Variants in ZNF584 observed in about 807,000 individuals in gnomAD.
ZNF584 encodes the protein zinc finger protein 584.
Under a neutral mutation model 14.7 loss-of-function variants are expected in ZNF584, and 12 were observed. That is an observed-to-expected ratio of 0.82 (90% CI 0.52 to 1.32). The LOEUF is 1.32. Among genes scored for constraint, ZNF584 ranks in the 40% most tolerant of loss-of-function variants. ZNF584 has a pLI of 0.00. For synonymous variants in ZNF584, 204 were observed against 190.9 expected (o/e 1.07, Z -0.57); for missense variants, 478 against 518.8 (o/e 0.92, Z 0.76).
At chr19:58,405,492 G>T, upstream of ZNF584, 1 of 163,758 alleles carries the variant, frequency 6.1e-6, no homozygotes, top group Non-Finnish European at 1.3e-5. Context: ...GGGCGGAGAG[G>T]CTCCTCACTT....
At chr19:58,410,767 A>T (rs1354555193) in intron 2 of ZNF584, among the ~76,000 whole-genome samples, 1 of 33,148 alleles carries the variant, frequency 3.0e-5, no homozygotes, top group Admixed American at 3.1e-4. Flanking sequence ...ATATATGTAT[A>T]TATATATATA....
Position 58,409,139 on chromosome 19 carries a change from C to A in ZNF584, c.-9C>A. On this transcript the variant is annotated 5_prime_UTR_variant, in exon 1 of 4. Coordinates refer to ENST00000306910, the MANE Select transcript of ZNF584 (RefSeq NM_173548.3). ...GGGTCCAGTCCACGGGTTCTGCCCG[C>A]ACGGTCCAATGGCCGGGGAGGCGGA... is the stretch of plus-strand genomic sequence containing the variant. 6.9e-7 allele frequency: 1 copy of A among 1,452,476 alleles called. No homozygotes were observed. The highest frequency in any genetic ancestry group is 1.4e-5 in the South Asian group (1 of 71,740). The allele number at this position is 1,452,476 out of a possible 1,614,324, so 90.0% of individuals were successfully genotyped here. A position where few individuals can be genotyped will look rare whatever the true frequency, so the allele number is the denominator to read the frequency against.
At chr19:58,406,523 G>T (rs1045044836), upstream of ZNF584, 1 of 152,454 alleles carries the variant, frequency 6.6e-6, no homozygotes. Context: ...TGTTTAGTAG[G>T]GGATCAGGAA....
At position 58,409,928 on chromosome 19, in the gene ZNF584, C is replaced by G. The variant is rs570329229; in HGVS notation, c.19-13C>G. The G allele has an allele frequency of 1.2e-6, 2 of 1,613,910 alleles. No homozygotes were observed. Among genetic ancestry groups the G allele is most frequent in the African/African-American group, 1.3e-5 (1 of 74,876 alleles). ...ATTTTGGTTGTTTTTTTCTGCCCAT[C>G]ATTGACCCCAAGGCTCAGTTGGACC... On this transcript the variant is annotated splice_polypyrimidine_tract_variant and intron_variant, in intron 1 of 3. Transcript: ENST00000306910.
intron 1 of ZNF584, chr19:58,401,752 C>T (rs1202180692): frequency 1.3e-5 from 2 of 149,024 alleles, no homozygotes; most frequent in Admixed American, 6.7e-5. Context: ...GGCACAGACT[C>T]GTCCCCGGCC....
intron 2 of ZNF584, among the ~76,000 whole-genome samples, chr19:58,410,557 A>ATATATGTGTG (rs1340373210): frequency 3.8e-5 from 1 of 26,016 alleles, no homozygotes; most frequent in Admixed American, 3.8e-4. Flanking sequence ...ATATATATAT[A>ATATATGTGTG]TGTGTATATA....
chr19:58,407,933 C>A (rs1376296860), upstream of ZNF584, among the ~76,000 whole-genome samples: 1 of 152,208 alleles, frequency 6.6e-6, no homozygotes, highest in Non-Finnish European at 1.5e-5. Flanking sequence ...ATGGGGTAGA[C>A]TACAAGCCTA....
Position 58,415,570 on chromosome 19 carries a change from T to C in ZNF584, c.216T>C (p.Asp72=). ...RSPVFTQLED[D]EQSWVPSWVD... is the part of the protein sequence containing the mutation. The stretch of plus-strand genomic sequence containing the variant: ...CTGTGTTTACCCAGCTGGAGGATGA[T>C]GAACAGTCGTGGGTGCCCAGCTGGG... The change falls in exon 3 of 4, where the codon GAT becomes GAC. Residue 72 remains aspartate (D), a synonymous_variant. Transcript: ENST00000306910. 6.2e-7 allele frequency: 1 copy of C among 1,614,050 alleles called. No individual in the cohort carries two copies. The highest frequency in any genetic ancestry group is 1.1e-5 in the South Asian group (1 of 91,074).
Position 58,408,812 on chromosome 19 carries a change from C to T in ZNF584, c.-336C>T, listed in dbSNP as rs1029285739. The T allele has an allele frequency of 1.8e-5, 5 of 272,382 alleles. No individual in the cohort carries two copies. Among genetic ancestry groups the T allele is most frequent in the Non-Finnish European group, 3.5e-5 (5 of 143,326 alleles). The allele number at this position is 272,382 out of a possible 1,614,324, so 16.9% of individuals were successfully genotyped here. Reference sequence around the variant, plus strand: ...GGGAAGGCTGTCCCGGCGCCTCAGGCAGCTCTGCGTGGGCCGGGGTGACTT... The same window carrying T: ...GGGAAGGCTGTCCCGGCGCCTCAGGTAGCTCTGCGTGGGCCGGGGTGACTT... On this transcript the variant is annotated 5_prime_UTR_variant, in exon 1 of 4. Transcript: ENST00000306910.
chr19:58,414,762 G>C (rs570480143), intron 2 of ZNF584, among the ~76,000 whole-genome samples: 3 of 152,202 alleles, frequency 2.0e-5, no homozygotes, highest in Admixed American at 6.5e-5. Context: ...GGACTAGTTG[G>C]TTTTCATTGT....
rs1555785530 is a variant in ZNF584, at chr19:58,410,541, A to ATATATG, written c.169+455_169+456insGTATAT. On this transcript the variant is annotated intron_variant, in intron 2 of 3. Coordinates refer to ENST00000306910, the MANE Select transcript of ZNF584 (RefSeq NM_173548.3). ...GAAATATATATATATATATATATAT[A>ATATATG]TATATATATATATATATGTGTATAT... Among the ~76,000 whole-genome samples the ATATATG allele has an allele frequency of 1.8e-4, 8 of 43,770 alleles. 2 individuals carry two copies. Among genetic ancestry groups the ATATATG allele is most frequent in the East Asian group, 1.6e-3 (3 of 1,850 alleles). The allele number at this position is 43,770 out of a possible 152,430, so 28.7% of individuals were successfully genotyped here. A position where few individuals can be genotyped will look rare whatever the true frequency, so the allele number is the denominator to read the frequency against.
At chr19:58,412,201 T>C (rs1259925490) in intron 2 of ZNF584, among the ~76,000 whole-genome samples, 11 of 71,128 alleles carry the variant, frequency 1.5e-4, no homozygotes, top group Admixed American at 1.2e-3. Context: ...AGGGTGGTCT[T>C]TTTTTTTTTT....
rs368251865 is a variant in ZNF584, at chr19:58,417,630, G to T, written c.1112G>T (p.Arg371Leu). The T allele has an allele frequency of 6.2e-7, 1 of 1,614,108 alleles. No individual in the cohort carries two copies. Among genetic ancestry groups the T allele is most frequent in the Admixed American group, 1.7e-5 (1 of 59,982 alleles). The change falls in exon 4 of 4, where the codon CGG (arginine) becomes CTG (leucine). Residue 371 changes from arginine to leucine, a missense_variant. By Grantham distance (102) the Arg-to-Leu change is moderately radical. Coordinates refer to ENST00000306910, the MANE Select transcript of ZNF584 (RefSeq NM_173548.3). ...KTFTTRSYRN[R>L]HQQFHTEERS... ...TTCACTACCAGATCCTACCGCAATC[G>T]GCACCAGCAGTTCCACACTGAAGAG...
In ZNF584 at chr19:58,417,563, A is replaced by G. The variant is rs766127703; in HGVS notation, c.1045A>G (p.Thr349Ala). 2 of 1,614,208 alleles carry G rather than the reference A, an allele frequency of 1.2e-6. No homozygotes were observed. Among genetic ancestry groups the G allele is most frequent in the Admixed American group, 1.7e-5 (1 of 60,020 alleles). ...SGLYQHWKVH[T>A]GERPYECSLC... ...CCTCTATCAGCACTGGAAAGTCCAC[A>G]CTGGGGAACGGCCCTATGAATGTAG... Residue 349 changes from threonine to alanine, a missense_variant, in exon 4 of 4, where the codon ACT (threonine) becomes GCT (alanine). This residue lies in a region of ZNF584 where 283 missense variants were observed against 317.3 expected (regional missense o/e 0.89). Transcript: ENST00000306910.
upstream of ZNF584, chr19:58,408,634 G>C (rs1248056418): frequency 6.5e-6 from 1 of 153,738 alleles, no homozygotes; most frequent in African/African-American, 2.4e-5. Context: ...GGAGCTAGCG[G>C]CGCCCTCCCT....
chr19:58,405,970 G>A (rs78416883), upstream of ZNF584: 3 of 183,142 alleles, frequency 1.6e-5, no homozygotes, highest in South Asian at 9.0e-5. Context: ...CTGCAATCTC[G>A]GCACTTTGGG....
Position 58,416,881 on chromosome 19 carries a change from C to T in ZNF584, c.363C>T (p.His121=). 3 of 1,608,244 alleles carry T rather than the reference C, an allele frequency of 1.9e-6. No individual in the cohort carries two copies. Among genetic ancestry groups the T allele is most frequent in the Non-Finnish European group, 2.5e-6 (3 of 1,177,032 alleles). ...EHLKSYRVIQ[H]QDTHSEGKPR... The stretch of plus-strand genomic sequence containing the variant: ...TAAAGAGCTACAGAGTCATCCAGCA[C>T]CAGGACACTCATAGTGAGGGGAAAC... The change falls in exon 4 of 4, where the codon CAC becomes CAT. Residue 121 remains histidine (H), a synonymous_variant. Transcript: ENST00000306910.
chr19:58,411,012 G>T (rs551796360), intron 2 of ZNF584, among the ~76,000 whole-genome samples: 1 of 150,946 alleles, frequency 6.6e-6, no homozygotes, highest in African/African-American at 2.4e-5. Context: ...GGCTGGTCTT[G>T]AACTCCGGAC....
At chr19:58,410,230 C>T in intron 2 of ZNF584, 139 bp downstream of exon 2, 1 of 1,152,620 alleles carries the variant, frequency 8.7e-7, no homozygotes, top group Non-Finnish European at 1.2e-6. Flanking sequence ...GGTGGTGGGA[C>T]TCGGTGGTGG....
Sources: allele counts gnomAD v4.1 joint callset (sites outside exome capture counted in the v4.1 genomes callset), GRCh38; gene constraint gnomAD v4.1.1; regional missense constraint gnomAD v4.1.1; transcripts MANE v1.5; gene names NCBI Gene and HGNC (gene_info 2026-07-23, HGNC 2026-07-21).